KIF15: variants seen among roughly 807,000 people sequenced by gnomAD.
KIF15 encodes kinesin family member 15, also known as kinesin-like protein KIF15.
Under a neutral mutation model 190.6 loss-of-function variants are expected in KIF15, and 140 were observed. The ratio of observed to expected loss-of-function variants is 0.73; its 90% CI spans 0.64 to 0.84. The LOEUF (loss-of-function observed/expected upper bound fraction) is 0.84, where lower values mean the gene tolerates loss of function less well. Ranked by LOEUF, KIF15 falls within the 40% of genes least tolerant of loss-of-function variation. The probability of loss-of-function intolerance (pLI) is 0.00; values close to 1 mark genes in which losing one functional copy is unlikely to be tolerated. For synonymous variants in KIF15, 528 were observed against 551.3 expected (o/e 0.96, Z 0.59); for missense variants, 1,372 against 1,584.4 (o/e 0.87, Z 2.28).
At chr3:44,782,368 T>C (rs1374441532) in intron 5 of KIF15, among the ~76,000 whole-genome samples, 2 of 152,180 alleles carry the variant, frequency 1.3e-5, no homozygotes, top group African/African-American at 4.8e-5. Flanking sequence ...GGCTTCTTTT[T>C]CCTTAATGGC....
intron 16 of KIF15, among the ~76,000 whole-genome samples, chr3:44,808,867 T>G (rs935049641): frequency 5.3e-5 from 8 of 152,228 alleles, no homozygotes; most frequent in African/African-American, 1.9e-4. Context: ...TGAAGCACCA[T>G]GAGGGATATC....
In KIF15 at chr3:44,810,858, C is replaced by A. The variant is rs758868949; in HGVS notation, c.1984C>A (p.Pro662Thr). Residue 662 changes from proline to threonine, a missense_variant, in exon 17 of 35, where the codon CCA becomes ACA. Transcript: ENST00000326047. Reference protein sequence around the residue: ...HAETLKIITTPTKAYQLHSRP... With the variant: ...HAETLKIITTTTKAYQLHSRP... Reference sequence around the variant, plus strand: ...TTTTTTGCTGCAGATTATAACTACACCAACCAAGGCCTACCAACTTCATTC... The same window carrying A: ...TTTTTTGCTGCAGATTATAACTACAACAACCAAGGCCTACCAACTTCATTC... 1 of 1,610,802 alleles carries A rather than the reference C, an allele frequency of 6.2e-7. No individual in the cohort carries two copies. Among genetic ancestry groups the A allele is most frequent in the East Asian group, 2.2e-5 (1 of 44,846 alleles).
At chr3:44,838,976 G>A (rs1184665723) in intron 27 of KIF15, among the ~76,000 whole-genome samples, 2 of 152,062 alleles carry the variant, frequency 1.3e-5, no homozygotes, top group African/African-American at 2.4e-5. Context: ...TATTTTTGGT[G>A]GTTGTTGTTG....
At chr3:44,828,588 T>C (rs1697803476) in intron 24 of KIF15, among the ~76,000 whole-genome samples, 2 of 152,204 alleles carry the variant, frequency 1.3e-5, no homozygotes, top group African/African-American at 4.8e-5. Flanking sequence ...GACCCTTTCT[T>C]GTTGACTCTA....
intron 7 of KIF15, among the ~76,000 whole-genome samples, chr3:44,790,695 CTT>C (rs56414094): frequency 7.7e-3 from 753 of 97,862 alleles, no homozygotes; most frequent in African/African-American, 0.02. Context: ...TTTTCTGTTT[CTT>C]TTTTTTTTTT....
chr3:44,864,393 T>TGA (rs1177376969), intron 6 of KIF15: 1 of 1,610,760 alleles, frequency 6.2e-7, no homozygotes. Flanking sequence ...GGGTTCTGGG[T>TGA]GAGTTGTCTT....
chr3:44,862,992 A>C (rs1302402059), intron 6 of KIF15: 1 of 152,112 alleles, frequency 6.6e-6, no homozygotes, highest in East Asian at 1.9e-4. Flanking sequence ...ATAACCCTTT[A>C]AGCAGGTTGC....
At chr3:44,847,846 G>A (rs565039825) in intron 30 of KIF15, 139 bp from the exon 31 acceptor site, 3 of 616,482 alleles carry the variant, frequency 4.9e-6, no homozygotes, top group Admixed American at 6.5e-5. Flanking sequence ...GTACTGACTT[G>A]ACCCAATCAC....
In KIF15 at chr3:44,786,381, C is replaced by T. The variant is rs1706405998; in HGVS notation, c.460-14C>T. ...ATGAAAATAATGTATCTAAATGAGG[C>T]TTCTTTTTTACAGGCTGGAGCTGGA... On this transcript the variant is annotated splice_polypyrimidine_tract_variant and intron_variant, in intron 6 of 34. Transcript: ENST00000326047. 1.3e-6 allele frequency: 2 copies of T among 1,585,672 alleles called. No homozygotes were observed. The highest frequency in any genetic ancestry group is 1.7e-6 in the Non-Finnish European group (2 of 1,162,986).
At chr3:44,821,018 C>T (rs1471969778) in intron 20 of KIF15, among the ~76,000 whole-genome samples, 10 of 4,574 alleles carry the variant, frequency 2.2e-3, no homozygotes, top group South Asian at 0.024. Context: ...GGCGGCTGGC[C>T]GGGCGGGGGG....
chr3:44,852,694 G>A lies in KIF15; in HGVS notation c.4126G>A (p.Glu1376Lys), dbSNP rs374059953. ...LAEETEKLRA[E>K]NVFLKEKKRS... The stretch of plus-strand genomic sequence containing the variant: ...TTAGGAGACAGAAAAGTTGCGTGCC[G>A]AAAATGTATTTTTAAAAGAAAAGAA... Residue 1376 changes from glutamate (E) to lysine (K), a missense_variant, in exon 35 of 35, where the codon GAA becomes AAA. By Grantham distance (56) the Glu-to-Lys change is moderately conservative. Transcript: ENST00000326047. 101 of 1,596,222 alleles carry A rather than the reference G, an allele frequency of 6.3e-5. No homozygotes were observed. The highest frequency in any genetic ancestry group is 8.1e-5 in the South Asian group (7 of 86,804).
At chr3:44,810,727 TA>T in intron 16 of KIF15, 118 bp from the exon 17 acceptor site, 1 of 801,422 alleles carries the variant, frequency 1.2e-6, no homozygotes, top group Non-Finnish European at 2.0e-6. Flanking sequence ...GTCTCAAGGG[TA>T]CTTTTTCCTT....
At chr3:44,838,788 C>G (rs997631771) in intron 27 of KIF15, among the ~76,000 whole-genome samples, 1 of 150,738 alleles carries the variant, frequency 6.6e-6, no homozygotes, top group Non-Finnish European at 1.5e-5. Flanking sequence ...GAGGAATCCA[C>G]AGTTGAGGTT....
rs1368879138 is a variant in KIF15, at chr3:44,810,939, C to G, written c.2065C>G (p.Gln689Glu). 3.1e-6 allele frequency: 5 copies of G among 1,613,526 alleles called. No homozygotes were observed. The East Asian group carries it at 1.1e-4, about 36-fold the overall frequency. ...GGGAAGCTTTGGCTCTCTATACACTCAGAATTCTAGCATATTAGATAATGA... is the reference window on the plus strand; with the variant it reads ...GGGAAGCTTTGGCTCTCTATACACTGAGAATTCTAGCATATTAGATAATGA... ...EMGSFGSLYT[Q>E]NSSILDNDIL... The change falls in exon 17 of 35, where the codon CAG becomes GAG. Residue 689 changes from glutamine (Q) to glutamate (E), a missense_variant. Physicochemically the swap from Gln to Glu is conservative, Grantham distance 29. Transcript: ENST00000326047.
chr3:44,856,232 T>C (rs552454352), downstream of KIF15, among the ~76,000 whole-genome samples: 33 of 152,276 alleles, frequency 2.2e-4, no homozygotes, highest in African/African-American at 7.7e-4. Context: ...GTATTTTAGT[T>C]TCCTGACTCG....
At chr3:44,826,338 T>C (rs373934846) in intron 21 of KIF15, 37 bp from the exon 22 acceptor site, 188 of 1,586,422 alleles carry the variant, frequency 1.2e-4, no homozygotes, top group Non-Finnish European at 1.5e-4. Flanking sequence ...TATGCATTGC[T>C]AGTAACAGTT....
Position 44,794,414 on chromosome 3 carries a change from GA to G in KIF15, c.838del (p.Met280Ter). On this transcript the variant is annotated frameshift_variant, in exon 8 of 35. Transcript: ENST00000326047. LOFTEE classifies it high-confidence loss of function. ...ERQKDTHAEG[M>X]RLKEAGNINR... Reference sequence around the variant, plus strand: ...GGCAAAAAGATACCCATGCAGAAGGGATGAGATTGAAGGTAAGAATGAAATT... The same window carrying G: ...GGCAAAAAGATACCCATGCAGAAGGGTGAGATTGAAGGTAAGAATGAAATT... 1 of 1,595,600 alleles carries G rather than the reference GA, an allele frequency of 6.3e-7. No homozygotes were observed. Among genetic ancestry groups the G allele is most frequent in the Non-Finnish European group, 8.5e-7 (1 of 1,170,066 alleles).
chr3:44,820,654 C>T (rs1306360375), intron 20 of KIF15, among the ~76,000 whole-genome samples: 2 of 152,260 alleles, frequency 1.3e-5, no homozygotes, highest in East Asian at 1.9e-4. Flanking sequence ...TTTCAGAGAG[C>T]ACAGGGTTGG....
rs536610158 is a variant in KIF15 at position 44,826,281 on chromosome 3, T to C, written c.2700+92T>C. 10 of 1,547,314 alleles carry C rather than the reference T, an allele frequency of 6.5e-6. No individual in the cohort carries two copies. In the Admixed American group the frequency reaches 1.1e-4, roughly 17 times the overall value. ...TCCTTTCCTCCTTCTTTGCTATACT[T>C]GCCCACAGTGCCTGCCACATAGAAG... On this transcript the variant is annotated intron_variant, in intron 21 of 34. Coordinates refer to ENST00000326047, the MANE Select transcript of KIF15 (RefSeq NM_020242.3).
Sources: allele counts gnomAD v4.1 joint callset (sites outside exome capture counted in the v4.1 genomes callset), GRCh38; gene constraint gnomAD v4.1.1; transcripts MANE v1.5; gene names NCBI Gene and HGNC (gene_info 2026-07-23, HGNC 2026-07-21).